Variants in TRPC3 observed in about 807,000 individuals in gnomAD.
TRPC3 encodes the protein transient receptor potential cation channel subfamily C member 3.
TRPC3 carries 54 observed loss-of-function variants against 90.9 expected under a neutral mutation model. The ratio of observed to expected loss-of-function variants is 0.59; its 90% CI spans 0.48 to 0.75. The LOEUF is 0.75. Among genes scored for constraint, TRPC3 ranks in the 30% least tolerant of loss-of-function variants. The probability of loss-of-function intolerance (pLI) is 0.00; values close to 1 mark genes in which losing one functional copy is unlikely to be tolerated. For synonymous variants in TRPC3, 424 were observed against 450.9 expected (o/e 0.94, Z 0.75); for missense variants, 918 against 1,194.5 (o/e 0.77, Z 3.41).
intron 3 of TRPC3, among the ~76,000 whole-genome samples, chr4:121,920,532 GAAAA>G (rs914782819): frequency 1.3e-5 from 2 of 149,248 alleles, no homozygotes; most frequent in African/African-American, 5.0e-5. Context: ...TCAAAAAAAA[GAAAA>G]AAAAACAGAT....
At chr4:121,906,532 G>A (rs1198841924) in intron 7 of TRPC3, among the ~76,000 whole-genome samples, 3 of 152,100 alleles carry the variant, frequency 2.0e-5, no homozygotes, top group Non-Finnish European at 4.4e-5. Flanking sequence ...GAACAATTGA[G>A]ATGTCTACAA....
intron 10 of TRPC3, among the ~76,000 whole-genome samples, chr4:121,892,631 C>T (rs1728367686): frequency 6.6e-6 from 1 of 152,072 alleles, no homozygotes; most frequent in African/African-American, 2.4e-5. Flanking sequence ...TTTGTGAGAA[C>T]TGCACCAAAT....
rs952425115 is a variant in TRPC3 at position 121,921,329 on chromosome 4, C to T, written c.1176+3689G>A. On this transcript the variant is annotated intron_variant, in intron 3 of 11. Transcript: ENST00000379645. Reference sequence around the variant, plus strand: ...CGAGGTCAGGAGATCGAGACCATCCCGGCTAAAACGGTGAAACCCCGTCTC... The same window carrying T: ...CGAGGTCAGGAGATCGAGACCATCCTGGCTAAAACGGTGAAACCCCGTCTC... 7.9e-5 allele frequency among the ~76,000 whole-genome samples: 12 copies of T among 151,490 alleles called. No homozygotes were observed. In the South Asian group the frequency reaches 1.3e-3, roughly 16 times the overall value.
At chr4:121,905,883 C>T (rs967412308) in intron 7 of TRPC3, among the ~76,000 whole-genome samples, 10 of 151,984 alleles carry the variant, frequency 6.6e-5, no homozygotes, top group African/African-American at 1.9e-4. Context: ...GATATCATGG[C>T]GTAGATGCTG....
intron 9 of TRPC3, among the ~76,000 whole-genome samples, chr4:121,900,026 G>A (rs1260521645): frequency 5.9e-5 from 9 of 152,126 alleles, no homozygotes; most frequent in Admixed American, 5.9e-4. Context: ...CATCTAGAAG[G>A]CCAAATTCCA....
rs200580955 is a variant in TRPC3, at chr4:121,932,727, G to A, written c.531C>T (p.Asp177=). ...CCTTGCTGATGGCGAGCAGCAGGGCGTCGCCAATGCGCGCCAGGTTCTCCT... is the reference window on the plus strand; with the variant it reads ...CCTTGCTGATGGCGAGCAGCAGGGCATCGCCAATGCGCGCCAGGTTCTCCT... ...LKKENLARIG[D]ALLLAISKGY... Residue 177 remains aspartate, a synonymous_variant, in exon 2 of 12, where the codon GAC becomes GAT. Coordinates refer to ENST00000379645, the MANE Select transcript of TRPC3 (RefSeq NM_001130698.2). The surrounding 1 kb of genome is among the most constrained non-coding windows in gnomAD (Gnocchi z 7.7). The A allele has an allele frequency of 8.4e-5, 135 of 1,613,926 alleles. No homozygotes were observed. The highest frequency in any genetic ancestry group is 5.5e-4 in the Admixed American group (33 of 60,026).
intron 11 of TRPC3, 33 bp from the exon 12 acceptor site, chr4:121,879,911 G>T (rs201245461): frequency 6.6e-7 from 1 of 1,505,418 alleles, no homozygotes; most frequent in Non-Finnish European, 8.8e-7. Context: ...TTATTGGTAA[G>T]TTGCTCTTTG....
rs1411336402 is a variant in TRPC3, at chr4:121,911,969, T to C, written c.1466A>G (p.Asn489Ser). Residue 489 changes from asparagine to serine, a missense_variant, in exon 5 of 12, where the codon AAT becomes AGT. By Grantham distance (46) the Asn-to-Ser change is conservative (BLOSUM62 1). This residue lies in a region of TRPC3 where 609 missense variants were observed against 725.9 expected (regional missense o/e 0.84). Coordinates refer to ENST00000379645, the MANE Select transcript of TRPC3 (RefSeq NM_001130698.2). Reference protein sequence around the residue: ...DRFEGITTLPNITVTDYPKQI... With the variant: ...DRFEGITTLPSITVTDYPKQI... ...TTTGGGATAGTCAGTAACTGTGATA[T>C]TGGGCAGCGTGGTGATGCCTTCGAA... 1.2e-6 allele frequency: 2 copies of C among 1,613,844 alleles called. No individual in the cohort carries two copies. Among genetic ancestry groups the C allele is most frequent in the Admixed American group, 3.3e-5 (2 of 59,972 alleles).
At position 121,932,645 on chromosome 4, in the gene TRPC3, G is replaced by A; in HGVS notation, c.613C>T (p.Arg205Cys). Reference protein sequence around the residue: ...LNHPGFAASKRLTLSPCEQEL... With the variant: ...LNHPGFAASKCLTLSPCEQEL... ...TGCTCACAGGGGCTCAGAGTGAGACGCTTGCTGGCCGCGAAGCCAGGGTGG... is the reference window on the plus strand; with the variant it reads ...TGCTCACAGGGGCTCAGAGTGAGACACTTGCTGGCCGCGAAGCCAGGGTGG... Residue 205 changes from arginine (R) to cysteine (C), a missense_variant, in exon 2 of 12, where the codon CGT (arginine) becomes TGT (cysteine). Physicochemically the swap from Arg to Cys is radical, Grantham distance 180. Transcript: ENST00000379645. The surrounding 1 kb of genome is among the most constrained non-coding windows in gnomAD (Gnocchi z 7.7). 1 of 1,612,502 alleles carries A rather than the reference G, an allele frequency of 6.2e-7. No homozygotes were observed. The highest frequency in any genetic ancestry group is 8.5e-7 in the Non-Finnish European group (1 of 1,178,810).
chr4:121,895,273 C>T (rs1385441271), intron 10 of TRPC3, among the ~76,000 whole-genome samples: 2 of 151,614 alleles, frequency 1.3e-5, no homozygotes, highest in Non-Finnish European at 2.9e-5. Context: ...ATAAAAAATG[C>T]TTGAAAAAAG....
chr4:121,896,489 A>C (rs1414105407), intron 10 of TRPC3, among the ~76,000 whole-genome samples: 1 of 152,162 alleles, frequency 6.6e-6, no homozygotes, highest in Non-Finnish European at 1.5e-5. Context: ...ATTAACATAC[A>C]AAAATCAGTT....
intron 10 of TRPC3, among the ~76,000 whole-genome samples, chr4:121,884,173 C>T (rs1728032509): frequency 6.6e-6 from 1 of 152,118 alleles, no homozygotes; most frequent in Non-Finnish European, 1.5e-5. Context: ...ATTCCAGTTG[C>T]AGAAGACCAC....
At chr4:121,913,735 T>C (rs1466777893) in intron 4 of TRPC3, among the ~76,000 whole-genome samples, 2 of 152,214 alleles carry the variant, frequency 1.3e-5, no homozygotes, top group African/African-American at 4.8e-5. Flanking sequence ...TAATTTTCCA[T>C]GATACATAAC....
Position 121,951,381 on chromosome 4 carries a change from C to T in TRPC3, c.215+85G>A, listed in dbSNP as rs967446038. The T allele has an allele frequency of 6.4e-6, 6 of 938,550 alleles. No homozygotes were observed. The highest frequency in any genetic ancestry group is 8.9e-4 in the Middle Eastern group (2 of 2,256). The allele number at this position is 938,550 out of a possible 1,614,324, so 58.1% of individuals were successfully genotyped here. On this transcript the variant is annotated intron_variant, in intron 1 of 11. Coordinates refer to ENST00000379645, the MANE Select transcript of TRPC3 (RefSeq NM_001130698.2). This position sits in a 1 kb window ranked among gnomAD's most constrained non-coding sequence, Gnocchi z 4.4. ...TGGGTCTCGGAGGTCCCGGGCTCGA[C>T]GTGGAGCCGCCCGGCGCGCGCCTTC... is the stretch of plus-strand genomic sequence containing the variant.
At chr4:121,910,469 C>T (rs967048234) in intron 5 of TRPC3, 82 bp from the exon 6 acceptor site, 100 of 1,066,460 alleles carry the variant, frequency 9.4e-5, no homozygotes, top group Non-Finnish European at 1.3e-4. Flanking sequence ...CATCAGGTCA[C>T]ATCTCTACCC....
chr4:121,932,603 C>T lies in TRPC3; in HGVS notation c.655G>A (p.Asp219Asn), dbSNP rs868073711. 1 of 1,613,958 alleles carries T rather than the reference C, an allele frequency of 6.2e-7. No homozygotes were observed. The highest frequency in any genetic ancestry group is 8.5e-7 in the Non-Finnish European group (1 of 1,179,874). The change falls in exon 2 of 12, where the codon GAC becomes AAC. Residue 219 changes from aspartate to asparagine, a missense_variant. Asp to Asn is a conservative substitution (Grantham distance 23). Around this residue, in one of 4 missense-constraint regions of TRPC3, gnomAD observed 609 missense variants for 725.9 expected, o/e 0.84. Transcript: ENST00000379645. This position sits in a 1 kb window ranked among gnomAD's most constrained non-coding sequence, Gnocchi z 7.7. ...CCGTCCTCGTCGTAAGCGTAGAAGT[C>T]GTCGTCCTGCAGCTCCTGCTCACAG... is the stretch of plus-strand genomic sequence containing the variant. ...SPCEQELQDD[D>N]FYAYDEDGTR...
chr4:121,880,773 T>C (rs922790075), intron 11 of TRPC3, among the ~76,000 whole-genome samples: 3 of 152,136 alleles, frequency 2.0e-5, no homozygotes, highest in Admixed American at 6.6e-5. Flanking sequence ...CTTCAAACCA[T>C]TGACTTAGGT....
In TRPC3 at chr4:121,925,198, A is replaced by G; in HGVS notation, c.996T>C (p.Tyr332=). 6.2e-7 allele frequency: 1 copy of G among 1,608,700 alleles called. No homozygotes were observed. The highest frequency in any genetic ancestry group is 8.5e-7 in the Non-Finnish European group (1 of 1,178,408). ...ANIEKEFKND[Y]RKLSMQCKDF... ...CTTTGCATTGCATGGAGAGCTTCCG[A>G]TAGTCATTCTAAGAACAAGAGGTTT... Residue 332 remains tyrosine, a synonymous_variant, in exon 3 of 12, where the codon TAT becomes TAC. Coordinates refer to ENST00000379645, the MANE Select transcript of TRPC3 (RefSeq NM_001130698.2).
intron 3 of TRPC3, among the ~76,000 whole-genome samples, chr4:121,920,160 G>T (rs1035843694): frequency 6.6e-6 from 1 of 152,004 alleles, no homozygotes; most frequent in Non-Finnish European, 1.5e-5. Flanking sequence ...AATAATATAG[G>T]TATTTCTATA....
Sources: allele counts gnomAD v4.1 joint callset (sites outside exome capture counted in the v4.1 genomes callset), GRCh38; gene constraint gnomAD v4.1.1; regional missense constraint gnomAD v4.1.1; non-coding constraint Gnocchi (gnomAD v3.1); transcripts MANE v1.5; gene names NCBI Gene and HGNC (gene_info 2026-07-23, HGNC 2026-07-21).